The following OCA2 variants were observed in gnomAD, a reference collection of about 807,000 sequenced individuals.
OCA2 encodes P protein.
A neutral mutation model predicts 100.2 loss-of-function variants in OCA2; 77 were observed. The ratio of observed to expected loss-of-function variants is 0.77; its 90% CI spans 0.64 to 0.93. OCA2 has a LOEUF of 0.93. Ranked by LOEUF, OCA2 falls within the 40% of genes least tolerant of loss-of-function variation. The pLI, the probability that OCA2 is intolerant of heterozygous loss-of-function variation, is 0.00. For synonymous variants in OCA2, 432 were observed against 439.2 expected, an observed-to-expected ratio of 0.98 and a Z score of 0.21; for missense variants, 1,062 against 1,089.1, an observed-to-expected ratio of 0.98 and a Z score of 0.35.
chr15:27,936,701 AG>A (rs1399287374), intron 18 of OCA2, among the ~76,000 whole-genome samples: 1 of 152,120 alleles, frequency 6.6e-6, no homozygotes, highest in Non-Finnish European at 1.5e-5. Context: ...GCTTAGAACC[AG>A]GAAGATTGAG....
intron 22 of OCA2, among the ~76,000 whole-genome samples, chr15:27,845,299 G>A (rs2035490393): frequency 6.6e-6 from 1 of 152,148 alleles, no homozygotes; most frequent in Admixed American, 6.5e-5. Flanking sequence ...ACAGAGTGGA[G>A]GAAAGCTAAG....
chr15:27,968,756 T>C (rs947192198), intron 14 of OCA2, among the ~76,000 whole-genome samples: 1 of 152,172 alleles, frequency 6.6e-6, no homozygotes, highest in African/African-American at 2.4e-5. Context: ...GGTGGAGCTA[T>C]ATAAGCTAAT....
intron 2 of OCA2, among the ~76,000 whole-genome samples, chr15:28,062,401 G>C (rs1231682940): frequency 6.6e-6 from 1 of 152,142 alleles, no homozygotes; most frequent in Non-Finnish European, 1.5e-5. Context: ...TTTTGCCTGT[G>C]GGCATGGGGG....
At chr15:27,922,710 T>C (rs1416501378) in intron 19 of OCA2, among the ~76,000 whole-genome samples, 1 of 151,606 alleles carries the variant, frequency 6.6e-6, no homozygotes, top group Non-Finnish European at 1.5e-5. Flanking sequence ...TGTGTGTGTG[T>C]GTGTGTGTGT....
At chr15:27,829,038 C>T (rs2034841995) in intron 23 of OCA2, among the ~76,000 whole-genome samples, 1 of 152,192 alleles carries the variant, frequency 6.6e-6, no homozygotes. Context: ...CCAAGAGAAA[C>T]AGCAGCTCAC....
At chr15:27,753,476 G>A (rs550139749), downstream of OCA2, among the ~76,000 whole-genome samples, 4 of 152,272 alleles carry the variant, frequency 2.6e-5, no homozygotes, top group South Asian at 8.3e-4. Context: ...GCTCATGCCT[G>A]TAATTCCAGC....
intron 2 of OCA2, among the ~76,000 whole-genome samples, chr15:28,039,578 T>C (rs529288601): frequency 2.6e-5 from 4 of 152,344 alleles, no homozygotes; most frequent in South Asian, 2.1e-4. Flanking sequence ...ACACCTGTTA[T>C]GGGCTGAACT....
intron 19 of OCA2, among the ~76,000 whole-genome samples, chr15:27,873,780 T>A (rs117685507): frequency 0.016 from 2,459 of 152,186 alleles, 24 homozygotes; most frequent in Non-Finnish European, 0.021. Flanking sequence ...TCTCTTAATT[T>A]AAAAAAAATC....
intron 14 of OCA2, among the ~76,000 whole-genome samples, chr15:27,971,195 G>T (rs769255173): frequency 6.6e-6 from 1 of 152,086 alleles, no homozygotes; most frequent in Non-Finnish European, 1.5e-5. Flanking sequence ...AAAACGGGAA[G>T]AATGTCCCAG....
chr15:27,761,347 T>C (rs999724636), intron 23 of OCA2, among the ~76,000 whole-genome samples: 5 of 151,844 alleles, frequency 3.3e-5, no homozygotes, highest in African/African-American at 1.2e-4. Flanking sequence ...TTAAAATCAC[T>C]CCAATTAAAA....
intron 18 of OCA2, among the ~76,000 whole-genome samples, chr15:27,931,126 G>A (rs182340989): frequency 4.3e-4 from 66 of 152,108 alleles, no homozygotes; most frequent in Admixed American, 4.6e-4. Context: ...GAGTGGATCA[G>A]GCCGGCTTGC....
At chr15:27,956,317 C>T (rs530698876) in intron 16 of OCA2, among the ~76,000 whole-genome samples, 1 of 152,190 alleles carries the variant, frequency 6.6e-6, no homozygotes, top group Admixed American at 6.5e-5. Flanking sequence ...CCACTGCACT[C>T]CAGCCTGGGG....
intron 19 of OCA2, among the ~76,000 whole-genome samples, chr15:27,886,077 C>T (rs1009467009): frequency 1.1e-4 from 16 of 152,286 alleles, no homozygotes; most frequent in African/African-American, 3.9e-4. Flanking sequence ...CACCAGCATG[C>T]TTGGGAAGAG....
chr15:27,999,741 C>A (rs566562711), intron 9 of OCA2, among the ~76,000 whole-genome samples: 3 of 152,260 alleles, frequency 2.0e-5, no homozygotes, highest in African/African-American at 7.2e-5. Flanking sequence ...CAAAACTCTA[C>A]TAACACTAAT....
intron 17 of OCA2, 76 bp from the exon 18 acceptor site, chr15:27,951,968 T>G: frequency 2.0e-6 from 2 of 980,460 alleles, no homozygotes; most frequent in Non-Finnish European, 3.3e-6. Flanking sequence ...CCTACGCAAC[T>G]GGAATCACGA....
chr15:27,925,190 A>G (rs2038999746), intron 19 of OCA2, among the ~76,000 whole-genome samples: 1 of 152,218 alleles, frequency 6.6e-6, no homozygotes, highest in Non-Finnish European at 1.5e-5. Context: ...GTTTCACAGA[A>G]TATCACTAAT....
chr15:28,071,437 C>A (rs1281365574), intron 2 of OCA2, among the ~76,000 whole-genome samples: 2 of 151,890 alleles, frequency 1.3e-5, no homozygotes, highest in Admixed American at 1.3e-4. Flanking sequence ...CATATGGAAC[C>A]AAAAAAAGAG....
At chr15:27,923,654 G>A (rs1436274005) in intron 19 of OCA2, among the ~76,000 whole-genome samples, 1 of 152,228 alleles carries the variant, frequency 6.6e-6, no homozygotes, top group Admixed American at 6.5e-5. Flanking sequence ...CTGCGTGTAT[G>A]TCTTCTTTTG....
At chr15:27,938,050 T>C (rs972922508) in intron 18 of OCA2, among the ~76,000 whole-genome samples, 4 of 152,196 alleles carry the variant, frequency 2.6e-5, no homozygotes, top group Non-Finnish European at 4.4e-5. Context: ...ATGAATAGAC[T>C]GTAAGGTATG....
Sources: gnomAD v4.1 joint callset for allele counts (sites outside exome capture counted in the v4.1 genomes callset) on GRCh38, gnomAD v4.1.1 for gene constraint, MANE v1.5 for transcripts, NCBI Gene and HGNC (gene_info 2026-07-23, HGNC 2026-07-21) for gene names.